SUN2: variants seen among roughly 807,000 people sequenced by gnomAD.
SUN2 encodes Sad1 and UNC84 domain containing 2.
A neutral mutation model predicts 100.0 loss-of-function variants in SUN2; 60 were observed. That is an observed-to-expected ratio of 0.60 (90% confidence interval 0.49 to 0.74). The LOEUF (loss-of-function observed/expected upper bound fraction) is 0.74, where lower values mean the gene tolerates loss of function less well. Ranked by LOEUF, SUN2 falls within the 30% of genes least tolerant of loss-of-function variation. The probability of loss-of-function intolerance (pLI) is 0.00; values close to 1 mark genes in which losing one functional copy is unlikely to be tolerated. For missense variants in SUN2, 834 were observed against 954.6 expected (o/e 0.87, Z 1.66); for synonymous variants, 367 against 403.3 (o/e 0.91, Z 1.08).
chr22:38,742,215 G>A (rs1348060714), intron 9 of SUN2, 86 bp downstream of exon 9: 4 of 1,468,952 alleles, frequency 2.7e-6, no homozygotes, highest in Non-Finnish European at 3.6e-6. Context: ...GATCCCAAAT[G>A]ACACTTGTTC....
chr22:38,752,544 C>T lies in SUN2; in HGVS notation c.85G>A (p.Gly29Arg), dbSNP rs1193138179. 1.5e-5 allele frequency: 24 copies of T among 1,613,838 alleles called. No individual in the cohort carries two copies. The highest frequency in any genetic ancestry group is 1.9e-5 in the Non-Finnish European group (23 of 1,179,896). The change falls in exon 2 of 18, where the codon GGG becomes AGG. Residue 29 changes from glycine to arginine, a missense_variant. This residue lies in a region of SUN2 where 559 missense variants were observed against 597.7 expected (regional missense o/e 0.94). Coordinates refer to ENST00000689035, the MANE Select transcript of SUN2 (RefSeq NM_015374.3). ...SSSSGGSSVA[G>R]SQSTLFKDSP... ...TCTTTAAACAGGGTGCTCTGACTCC[C>T]AGCCACCGAGCTCCCTCCGCTGCTG...
At chr22:38,749,706 T>C (rs1165040369) in intron 6 of SUN2, 60 bp downstream of exon 6, 3 of 1,488,392 alleles carry the variant, frequency 2.0e-6, no homozygotes, top group African/African-American at 2.8e-5. Flanking sequence ...TTGACACACT[T>C]TACCCGTCCC....
At position 38,746,062 on chromosome 22, in the gene SUN2, T is replaced by TG. The variant is rs1232677246; in HGVS notation, c.686-252dup. On this transcript the variant is annotated intron_variant, in intron 7 of 17. Transcript: ENST00000689035. ...TCATCTTTCTGTAAGTGGCAAAACTTGGAGAAAACATTTTGAATGAGTTAG... is the reference window on the plus strand; with the variant it reads ...TCATCTTTCTGTAAGTGGCAAAACTTGGGAGAAAACATTTTGAATGAGTTAG... Among the ~76,000 whole-genome samples the TG allele has an allele frequency of 5.9e-5, 9 of 152,256 alleles. No homozygotes were observed. In the East Asian group the frequency reaches 1.5e-3, roughly 26 times the overall value.
Position 38,755,676 on chromosome 22 carries a change from G to C in SUN2, c.-38+87C>G. On this transcript the variant is annotated intron_variant, in intron 1 of 17. Coordinates refer to ENST00000689035, the MANE Select transcript of SUN2 (RefSeq NM_015374.3). This position sits in a 1 kb window ranked among gnomAD's most constrained non-coding sequence, Gnocchi z 5.7. ...GAGAGGAGGAAGCAGGCCTGGCGGC[G>C]CGGCCCCGCCCGAGTGGCCCGACGG... 1.0e-6 allele frequency: 1 copy of C among 979,246 alleles called. No homozygotes were observed. The highest frequency in any genetic ancestry group is 1.2e-6 in the Non-Finnish European group (1 of 824,386). 60.7% of individuals were successfully genotyped at this position (979,246 alleles called of 1,614,324 possible). A position where few individuals can be genotyped will look rare whatever the true frequency, so the allele number is the denominator to read the frequency against.
chr22:38,740,249 C>CT lies in SUN2; in HGVS notation c.1356+17dup, dbSNP rs749049569. On this transcript the variant is annotated intron_variant, in intron 12 of 17. Transcript: ENST00000689035. The surrounding 1 kb of genome is among the most constrained non-coding windows in gnomAD (Gnocchi z 4.8). ...GAGGAGGAGAGGGACCAGCAGGGCCCTGGTGGTTCCCACTCACGTCGTCCC... is the reference window on the plus strand; with the variant it reads ...GAGGAGGAGAGGGACCAGCAGGGCCCTTGGTGGTTCCCACTCACGTCGTCCC... 3 of 1,548,670 alleles carry CT rather than the reference C, an allele frequency of 1.9e-6. No individual in the cohort carries two copies. The highest frequency in any genetic ancestry group is 2.6e-6 in the Non-Finnish European group (3 of 1,145,194).
In SUN2 at chr22:38,740,329, G is replaced by A; in HGVS notation, c.1294C>T (p.Gln432Ter). ...QQELAALALK[Q>*]SSVAEEVGLL... ...CCCACTTCTTCCGCCACCGAGCTCT[G>A]CTTCAGTGCCAGAGCCGCCAGCTCC... Residue 432 changes from glutamine (Q) to a stop codon, truncating the protein, a stop_gained, in exon 12 of 18, where the codon CAG (glutamine) becomes TAG (stop). Coordinates refer to ENST00000689035, the MANE Select transcript of SUN2 (RefSeq NM_015374.3). LOFTEE classifies it high-confidence loss of function. This position sits in a 1 kb window ranked among gnomAD's most constrained non-coding sequence, Gnocchi z 4.8. 3.8e-6 allele frequency: 6 copies of A among 1,599,878 alleles called. No individual in the cohort carries two copies. Among genetic ancestry groups the A allele is most frequent in the Non-Finnish European group, 5.1e-6 (6 of 1,174,146 alleles).
chr22:38,735,355 C>T lies in SUN2; in HGVS notation c.*912G>A. 2.5e-6 allele frequency: 1 copy of T among 401,604 alleles called. No individual in the cohort carries two copies. Among genetic ancestry groups the T allele is most frequent in the Non-Finnish European group, 4.9e-6 (1 of 203,920 alleles). The allele number at this position is 401,604 out of a possible 1,614,324, so 24.9% of individuals were successfully genotyped here. On this transcript the variant is annotated 3_prime_UTR_variant, in exon 18 of 18. Transcript: ENST00000689035. ...GCAGACAGACCTCGCACCCCGATAC[C>T]CTGAACGTCCCCACAAGAGCCCAGG...
Position 38,738,673 on chromosome 22 carries a change from G to A in SUN2, c.1861C>T (p.Pro621Ser). The change falls in exon 16 of 18, where the codon CCC (proline) becomes TCC (serine). Residue 621 changes from proline (P) to serine (S), a missense_variant. Pro to Ser is a moderately conservative substitution (Grantham distance 74). This residue lies in a region of SUN2 where 195 missense variants were observed against 280.2 expected (regional missense o/e 0.70). Transcript: ENST00000689035. The surrounding 1 kb of genome is among the most constrained non-coding windows in gnomAD (Gnocchi z 6.6). Reference sequence around the variant, plus strand: ...ACATGCTCTAAGGTAACGGCTGTGGGGCGGATGCGGGCAGAGAGGCGGACC... The same window carrying A: ...ACATGCTCTAAGGTAACGGCTGTGGAGCGGATGCGGGCAGAGAGGCGGACC... ...AVVRLSARIR[P>S]TAVTLEHVPK... The A allele has an allele frequency of 1.2e-6, 2 of 1,613,932 alleles. No homozygotes were observed. The highest frequency in any genetic ancestry group is 1.7e-6 in the Non-Finnish European group (2 of 1,180,020).
rs770279101 is a variant in SUN2 at position 38,735,050 on chromosome 22, C to T, written c.*1217G>A. The stretch of plus-strand genomic sequence containing the variant: ...AAACTGAGTATCACCCAGTGCCCCA[C>T]AGAACGGGGCTAGGAATCAAGCCCT... On this transcript the variant is annotated 3_prime_UTR_variant, in exon 18 of 18. Transcript: ENST00000689035. The T allele has an allele frequency of 6.2e-6, 2 of 320,842 alleles. No homozygotes were observed. Among genetic ancestry groups the T allele is most frequent in the Non-Finnish European group, 6.1e-6 (1 of 162,896 alleles). 19.9% of individuals were successfully genotyped at this position (320,842 alleles called of 1,614,324 possible).
chr22:38,752,689 T>C, intron 1 of SUN2, 24 bp from the exon 2 acceptor site: 1 of 1,592,142 alleles, frequency 6.3e-7, no homozygotes. Context: ...GGAGGAGGAC[T>C]GGATGTGAGG....
At chr22:38,741,721 G>C (rs182017997) in intron 9 of SUN2, 150 bp from the exon 10 acceptor site, 1 of 684,864 alleles carries the variant, frequency 1.5e-6, no homozygotes, top group Non-Finnish European at 2.6e-6. Flanking sequence ...CAAGACTCCC[G>C]CTTCAGCTCC....
At chr22:38,742,180 T>A in intron 9 of SUN2, 121 bp downstream of exon 9, 13 of 1,228,850 alleles carry the variant, frequency 1.1e-5, no homozygotes, top group South Asian at 6.9e-5. Flanking sequence ...AGAAAGGGAG[T>A]AACTGCAAAA....
intron 1 of SUN2, chr22:38,754,611 C>T: frequency 3.1e-5 from 16 of 515,466 alleles, no homozygotes; most frequent in Non-Finnish European, 5.5e-5. Context: ...TCTCCCCTCC[C>T]CCCTCCCTGC....
At position 38,739,331 on chromosome 22, in the gene SUN2, A is replaced by T; in HGVS notation, c.1663+11T>A. 6.2e-7 allele frequency: 1 copy of T among 1,612,754 alleles called. No homozygotes were observed. The highest frequency in any genetic ancestry group is 8.5e-7 in the Non-Finnish European group (1 of 1,179,792). On this transcript the variant is annotated intron_variant, in intron 14 of 17. Coordinates refer to ENST00000689035, the MANE Select transcript of SUN2 (RefSeq NM_015374.3). The surrounding 1 kb of genome is among the most constrained non-coding windows in gnomAD (Gnocchi z 6.7). ...CAGGACAAGGCAGAGCGAGGAAAGC[A>T]GAGCACGTACCTCCTGACTCCAGGG...
intron 6 of SUN2, 110 bp downstream of exon 6, chr22:38,749,656 G>C (rs1485724597): frequency 2.9e-6 from 3 of 1,032,394 alleles, no homozygotes; most frequent in Non-Finnish European, 4.3e-6. Flanking sequence ...AAGGCTCCAG[G>C]GAAACTGGGG....
chr22:38,736,396 A>G lies in SUN2; in HGVS notation c.2041-16T>C, dbSNP rs748508144. On this transcript the variant is annotated splice_polypyrimidine_tract_variant and intron_variant, in intron 17 of 17. Coordinates refer to ENST00000689035, the MANE Select transcript of SUN2 (RefSeq NM_015374.3). ...TCGTAGGGGCCTGGGTAGAGAAGAA[A>G]GGGATTAAGAGCATCAGAGACCTGT... The G allele has an allele frequency of 8.6e-5, 137 of 1,600,162 alleles. No homozygotes were observed. Among genetic ancestry groups the G allele is most frequent in the Non-Finnish European group, 1.1e-4 (132 of 1,172,448 alleles).
At chr22:38,742,729 G>T (rs1375777313) in intron 8 of SUN2, 174 bp from the exon 9 acceptor site, 3 of 733,258 alleles carry the variant, frequency 4.1e-6, no homozygotes, top group Non-Finnish European at 4.3e-6. Context: ...CGACCTCTGA[G>T]CTGGGTGTGC....
At position 38,738,675 on chromosome 22, in the gene SUN2, C is replaced by T. The variant is rs566312173; in HGVS notation, c.1859G>A (p.Arg620His). 4.3e-5 allele frequency: 70 copies of T among 1,613,744 alleles called. No individual in the cohort carries two copies. The highest frequency in any genetic ancestry group is 2.7e-4 in the East Asian group (12 of 44,894). The change falls in exon 16 of 18, where the codon CGC becomes CAC. Residue 620 changes from arginine to histidine, a missense_variant. Around this residue, in one of 3 missense-constraint regions of SUN2, gnomAD observed 195 missense variants for 280.2 expected, o/e 0.70. Coordinates refer to ENST00000689035, the MANE Select transcript of SUN2 (RefSeq NM_015374.3). The surrounding 1 kb of genome is among the most constrained non-coding windows in gnomAD (Gnocchi z 6.6). ...FAVVRLSARI[R>H]PTAVTLEHVP... Reference sequence around the variant, plus strand: ...ATGCTCTAAGGTAACGGCTGTGGGGCGGATGCGGGCAGAGAGGCGGACCAC... The same window carrying T: ...ATGCTCTAAGGTAACGGCTGTGGGGTGGATGCGGGCAGAGAGGCGGACCAC...
Position 38,740,386 on chromosome 22 carries a change from G to A in SUN2, c.1237C>T (p.Arg413Trp), listed in dbSNP as rs534367476. The A allele has an allele frequency of 3.0e-5, 47 of 1,573,768 alleles. No homozygotes were observed. The Middle Eastern group carries it at 5.0e-4, about 17-fold the overall frequency. The change falls in exon 12 of 18, where the codon CGG becomes TGG. Residue 413 changes from arginine to tryptophan, a missense_variant. By Grantham distance (101) the Arg-to-Trp change is moderately radical. This residue lies in a region of SUN2 where 559 missense variants were observed against 597.7 expected (regional missense o/e 0.94). Coordinates refer to ENST00000689035, the MANE Select transcript of SUN2 (RefSeq NM_015374.3). This position sits in a 1 kb window ranked among gnomAD's most constrained non-coding sequence, Gnocchi z 4.8. The part of the protein sequence containing the change: ...FQESSVKELR[R>W]LEDQLAGLQQ... ...AGGCCGGCCAGCTGGTCCTCCAGCC[G>A]CCTCAGCTCCTTCACAGAGCTCTCC... is the stretch of plus-strand genomic sequence containing the variant.
Sources: gnomAD v4.1 joint callset for allele counts (sites outside exome capture counted in the v4.1 genomes callset) on GRCh38, gnomAD v4.1.1 for gene constraint, gnomAD v4.1.1 regional missense constraint, Gnocchi (gnomAD v3.1) non-coding constraint, MANE v1.5 for transcripts, NCBI Gene and HGNC (gene_info 2026-07-23, HGNC 2026-07-21) for gene names.